SLC30A3: variants seen among roughly 807,000 people sequenced by gnomAD.
SLC30A3 encodes the protein solute carrier family 30 member 3.
SLC30A3 carries 20 observed loss-of-function variants against 35.6 expected under a neutral mutation model. The observed-to-expected ratio is 0.56, with a 90% CI of 0.39 to 0.82. SLC30A3 has a LOEUF of 0.82. Among genes scored for constraint, SLC30A3 ranks in the 40% least tolerant of loss-of-function variants. The pLI, the probability that SLC30A3 is intolerant of heterozygous loss-of-function variation, is 0.00. For missense variants in SLC30A3, 401 were observed against 530.6 expected, an observed-to-expected ratio of 0.76 and a Z score of 2.40; for synonymous variants, 217 against 224.7, an observed-to-expected ratio of 0.97 and a Z score of 0.31.
chr2:27,257,166 G>C lies in SLC30A3; in HGVS notation c.765C>G (p.Leu255=). Residue 255 remains leucine (L), a synonymous_variant, in exon 5 of 8, where the codon CTC becomes CTG. Transcript: ENST00000233535. The surrounding 1 kb of genome is among the most constrained non-coding windows in gnomAD (Gnocchi z 4.7). The part of the protein sequence containing the change: ...QSFGVLAASI[L]IYFKPQYKAA... ...CCAATGATGGTACCTTGAAGTAGAT[G>C]AGGATGGAGGCAGCCAGTACCCCAA... 1 of 1,613,964 alleles carries C rather than the reference G, an allele frequency of 6.2e-7. No individual in the cohort carries two copies.
intron 1 of SLC30A3, among the ~76,000 whole-genome samples, chr2:27,260,514 C>T (rs966459567): frequency 6.6e-6 from 1 of 152,184 alleles, no homozygotes; most frequent in Non-Finnish European, 1.5e-5. Context: ...CACTACCCAA[C>T]CTGAACCCAG....
At chr2:27,267,473 G>A (rs553143063), upstream of SLC30A3, among the ~76,000 whole-genome samples, 1 of 152,170 alleles carries the variant, frequency 6.6e-6, no homozygotes, top group African/African-American at 2.4e-5. Context: ...TGGCCTTCTT[G>A]TGAGTCCTAC....
chr2:27,275,506 C>A, upstream of SLC30A3: 1 of 331,282 alleles, frequency 3.0e-6, no homozygotes, highest in Non-Finnish European at 5.9e-6. Flanking sequence ...AAGTTTCACA[C>A]CCAAAAGGAT....
intron 1 of SLC30A3, among the ~76,000 whole-genome samples, chr2:27,260,329 T>C (rs898465979): frequency 6.6e-6 from 1 of 152,034 alleles, no homozygotes; most frequent in Admixed American, 6.6e-5. Flanking sequence ...GGGAGGAGCA[T>C]GTTAATTGGA....
At chr2:27,259,797 CCTA>C (rs1677083063) in intron 1 of SLC30A3, among the ~76,000 whole-genome samples, 1 of 152,138 alleles carries the variant, frequency 6.6e-6, no homozygotes, top group African/African-American at 2.4e-5. Context: ...GAGCAGGATT[CCTA>C]CTGATCTCTG....
intron 1 of SLC30A3, among the ~76,000 whole-genome samples, chr2:27,259,293 G>A (rs1355599961): frequency 6.6e-6 from 1 of 152,178 alleles, no homozygotes; most frequent in Non-Finnish European, 1.5e-5. Flanking sequence ...AGGAGATCGA[G>A]ACCATCCTGG....
Position 27,262,691 on chromosome 2 carries a change from A to G in SLC30A3, c.95+121T>C. ...GAGGGGATGAAGCGGGGTGCAGCGGAGCGAGGGACCCGCGGTGCGCTGGGG... is the reference window on the plus strand; with the variant it reads ...GAGGGGATGAAGCGGGGTGCAGCGGGGCGAGGGACCCGCGGTGCGCTGGGG... On this transcript the variant is annotated intron_variant, in intron 1 of 7. Transcript: ENST00000233535. This position sits in a 1 kb window ranked among gnomAD's most constrained non-coding sequence, Gnocchi z 7.5. 1 of 961,480 alleles carries G rather than the reference A, an allele frequency of 1.0e-6. No homozygotes were observed. The highest frequency in any genetic ancestry group is 1.5e-6 in the Non-Finnish European group (1 of 683,788). 59.6% of individuals were successfully genotyped at this position (961,480 alleles called of 1,614,324 possible).
exon 1 of SLC30A3, chr2:27,275,190 C>G (rs955199926): frequency 7.7e-7 from 1 of 1,304,086 alleles, no homozygotes; most frequent in Non-Finnish European, 1.0e-6. Flanking sequence ...TCATCCGCCA[C>G]GGTCAGCAAA....
At position 27,262,857 on chromosome 2, in the gene SLC30A3, C is replaced by A. The variant is rs1429477721; in HGVS notation, c.50G>T (p.Ser17Ile). The A allele has an allele frequency of 1.3e-6, 2 of 1,565,300 alleles. No individual in the cohort carries two copies. The highest frequency in any genetic ancestry group is 3.8e-5 in the Admixed American group (2 of 51,954). Residue 17 changes from serine (S) to isoleucine (I), a missense_variant, in exon 1 of 8, where the codon AGC becomes ATC. Around this residue, in one of 3 missense-constraint regions of SLC30A3, gnomAD observed 103 missense variants for 120.7 expected, o/e 0.85. Transcript: ENST00000233535. The surrounding 1 kb of genome is among the most constrained non-coding windows in gnomAD (Gnocchi z 7.5). ...AGGLETTRLV[S>I]PRDRGGAGGS... Reference sequence around the variant, plus strand: ...TCCGGCGCCACCGCGGTCCCGGGGGCTCACCAGGCGAGTGGTCTCCAAGCC... The same window carrying A: ...TCCGGCGCCACCGCGGTCCCGGGGGATCACCAGGCGAGTGGTCTCCAAGCC...
intron 1 of SLC30A3, among the ~76,000 whole-genome samples, chr2:27,273,051 A>AAATAT (rs1553376593): frequency 6.9e-6 from 1 of 145,306 alleles, no homozygotes; most frequent in African/African-American, 2.6e-5. Context: ...AAAAAAAAAA[A>AAATAT]ATATATATAT....
At position 27,254,302 on chromosome 2, in the gene SLC30A3, C is replaced by T. The variant is rs1025004264; in HGVS notation, c.*1010G>A. 6.6e-6 allele frequency: 1 copy of T among 152,304 alleles called. No individual in the cohort carries two copies. Among genetic ancestry groups the T allele is most frequent in the Non-Finnish European group, 1.5e-5 (1 of 68,094 alleles). 9.4% of individuals were successfully genotyped at this position (152,304 alleles called of 1,614,324 possible). On this transcript the variant is annotated 3_prime_UTR_variant, in exon 8 of 8. Transcript: ENST00000233535. Reference sequence around the variant, plus strand: ...CGACTGACTCCCAGGGATTCCTTGGCTCCTTACCTTCCAGCATTCTCCTGC... The same window carrying T: ...CGACTGACTCCCAGGGATTCCTTGGTTCCTTACCTTCCAGCATTCTCCTGC...
rs781417881 is a variant in SLC30A3 at position 27,262,866 on chromosome 2, C to A, written c.41G>T (p.Arg14Leu). Residue 14 changes from arginine to leucine, a missense_variant, in exon 1 of 8, where the codon CGC becomes CTC. This residue lies in a region of SLC30A3 where 103 missense variants were observed against 120.7 expected (regional missense o/e 0.85). Transcript: ENST00000233535. This position sits in a 1 kb window ranked among gnomAD's most constrained non-coding sequence, Gnocchi z 7.5. ...SPAAGGLETT[R>L]LVSPRDRGGA... ...ACCGCGGTCCCGGGGGCTCACCAGGCGAGTGGTCTCCAAGCCCCCAGCGGC... is the reference window on the plus strand; with the variant it reads ...ACCGCGGTCCCGGGGGCTCACCAGGAGAGTGGTCTCCAAGCCCCCAGCGGC... 3 of 1,565,412 alleles carry A rather than the reference C, an allele frequency of 1.9e-6. No individual in the cohort carries two copies. The highest frequency in any genetic ancestry group is 3.9e-5 in the Admixed American group (2 of 51,750).
chr2:27,256,270 G>C lies in SLC30A3; in HGVS notation c.1018+116C>G, dbSNP rs1022909880. The C allele has an allele frequency of 2.5e-6, 3 of 1,206,776 alleles. No individual in the cohort carries two copies. The African/African-American group carries it at 4.5e-5, about 18-fold the overall frequency. The allele number at this position is 1,206,776 out of a possible 1,614,324, so 74.8% of individuals were successfully genotyped here. On this transcript the variant is annotated intron_variant, in intron 7 of 7. Coordinates refer to ENST00000233535, the MANE Select transcript of SLC30A3 (RefSeq NM_003459.5). ...TGTCTATGTGAGAGAGAGAGACACA[G>C]AGAAACAGAGACAGATCAAAAAAGA...
intron 1 of SLC30A3, among the ~76,000 whole-genome samples, chr2:27,274,271 G>A (rs1180705782): frequency 6.6e-6 from 1 of 152,178 alleles, no homozygotes; most frequent in Non-Finnish European, 1.5e-5. Context: ...GTTCCAGTGA[G>A]CAGACATTGT....
In SLC30A3 at chr2:27,256,905, G is replaced by C. The variant is rs1177416841; in HGVS notation, c.778-12C>G. The C allele has an allele frequency of 6.3e-7, 1 of 1,585,854 alleles. No individual in the cohort carries two copies. The highest frequency in any genetic ancestry group is 2.2e-5 in the East Asian group (1 of 44,746). ...GCCTTGTATTGAGGCTGCAGAGAAA[G>C]AGACCCCTAAGCCCAACAACCAGGG... On this transcript the variant is annotated splice_polypyrimidine_tract_variant and intron_variant, in intron 5 of 7. Transcript: ENST00000233535.
Position 27,256,696 on chromosome 2 carries a change from C to T in SLC30A3, c.883+92G>A, listed in dbSNP as rs1037984600. The T allele has an allele frequency of 1.6e-5, 21 of 1,284,296 alleles. No individual in the cohort carries two copies. The African/African-American group carries it at 2.7e-4, about 16-fold the overall frequency. The allele number at this position is 1,284,296 out of a possible 1,614,324, so 79.6% of individuals were successfully genotyped here. A position where few individuals can be genotyped will look rare whatever the true frequency, so the allele number is the denominator to read the frequency against. The stretch of plus-strand genomic sequence containing the variant: ...AGACCCCATGAGCCAAGCCTTCTTC[C>T]CGTACTATCTTCAAAGAAAAAAGTG... On this transcript the variant is annotated intron_variant, in intron 6 of 7. Transcript: ENST00000233535.
intron 1 of SLC30A3, among the ~76,000 whole-genome samples, chr2:27,261,573 C>T (rs1469680410): frequency 2.0e-5 from 3 of 152,126 alleles, no homozygotes; most frequent in African/African-American, 4.8e-5. Context: ...TTTTGTTCTG[C>T]ATAATTTGGG....
chr2:27,272,822 C>T (rs1311458053), intron 1 of SLC30A3, among the ~76,000 whole-genome samples: 3 of 151,178 alleles, frequency 2.0e-5, no homozygotes, highest in East Asian at 4.0e-4. Context: ...GAGGCTGAGG[C>T]GGGCAGATCA....
chr2:27,255,317 C>A lies in SLC30A3; in HGVS notation c.1162G>T (p.Ala388Ser). The change falls in exon 8 of 8, where the codon GCC (alanine) becomes TCC (serine). Residue 388 changes from alanine to serine, a missense_variant. By Grantham distance (99) the Ala-to-Ser change is moderately conservative (BLOSUM62 1). Coordinates refer to ENST00000233535, the MANE Select transcript of SLC30A3 (RefSeq NM_003459.5). This position sits in a 1 kb window ranked among gnomAD's most constrained non-coding sequence, Gnocchi z 5.2. The part of the protein sequence containing the change: ...QCLRCQEPPQ[A>S] ...GGTGAGGGCAGGGCCATGGCTCAGG[C>A]TTGGGGGGGTTCCTGGCAGCGCAGG... The A allele has an allele frequency of 6.2e-7, 1 of 1,613,982 alleles. No homozygotes were observed. The highest frequency in any genetic ancestry group is 2.2e-5 in the East Asian group (1 of 44,882).
Sources: gnomAD v4.1 joint callset for allele counts (sites outside exome capture counted in the v4.1 genomes callset) on GRCh38, gnomAD v4.1.1 for gene constraint, gnomAD v4.1.1 regional missense constraint, Gnocchi (gnomAD v3.1) non-coding constraint, MANE v1.5 for transcripts, NCBI Gene and HGNC (gene_info 2026-07-23, HGNC 2026-07-21) for gene names.